CFAP20DC: variants seen among roughly 807,000 people sequenced by gnomAD.
CFAP20DC encodes the protein CFAP20 domain containing, also known as protein CFAP20DC.
A neutral mutation model predicts 101.7 loss-of-function variants in CFAP20DC; 84 were observed. That is an observed-to-expected ratio of 0.83 (90% CI 0.69 to 0.99). The LOEUF (loss-of-function observed/expected upper bound fraction) is 0.99. Ranked by LOEUF, CFAP20DC falls within the 50% of genes least tolerant of loss-of-function variation. The pLI is 0.00. For synonymous variants in CFAP20DC, 359 were observed against 351.2 expected (o/e 1.02, Z -0.25); for missense variants, 1,007 against 970.3 (o/e 1.04, Z -0.50).
chr3:58,953,694 A>C (rs897194638), intron 4 of CFAP20DC: 44 of 152,336 alleles, frequency 2.9e-4, no homozygotes, highest in African/African-American at 9.4e-4. Flanking sequence ...ATGTGTGACT[A>C]CTTAAAAGCT....
intron 15 of CFAP20DC, among the ~76,000 whole-genome samples, chr3:58,776,666 A>G (rs2071365030): frequency 6.6e-6 from 1 of 150,500 alleles, no homozygotes; most frequent in Non-Finnish European, 1.5e-5. Flanking sequence ...TATTACATAC[A>G]TATTTAAAAA....
intron 4 of CFAP20DC, among the ~76,000 whole-genome samples, chr3:58,968,131 T>A (rs2108322681): frequency 6.6e-6 from 1 of 152,372 alleles, no homozygotes; most frequent in South Asian, 2.1e-4. Context: ...TTTAGGTTGA[T>A]TTCATGTCTT....
At chr3:58,854,463 T>C (rs2078567549) in intron 12 of CFAP20DC, among the ~76,000 whole-genome samples, 1 of 151,880 alleles carries the variant, frequency 6.6e-6, no homozygotes, top group African/African-American at 2.4e-5. Flanking sequence ...AATGACTTTC[T>C]TCACAGAATT....
At chr3:58,853,636 A>C (rs1264430854) in intron 12 of CFAP20DC, among the ~76,000 whole-genome samples, 6 of 152,238 alleles carry the variant, frequency 3.9e-5, no homozygotes, top group Admixed American at 6.5e-5. Context: ...CTTATCCACC[A>C]TGATCAAGTG....
intron 16 of CFAP20DC, among the ~76,000 whole-genome samples, chr3:58,743,311 G>C (rs2067984391): frequency 6.6e-6 from 1 of 151,930 alleles, no homozygotes. Flanking sequence ...TGTTTCCTGA[G>C]CACCTTTTAT....
chr3:58,930,420 C>G (rs1183747375), intron 5 of CFAP20DC, among the ~76,000 whole-genome samples: 1 of 152,190 alleles, frequency 6.6e-6, no homozygotes, highest in Non-Finnish European at 1.5e-5. Flanking sequence ...CTTTTCAAAT[C>G]CACCACAGTA....
intron 4 of CFAP20DC, among the ~76,000 whole-genome samples, chr3:59,010,229 C>T (rs550121317): frequency 2.6e-5 from 4 of 152,138 alleles, no homozygotes; most frequent in African/African-American, 9.6e-5. Flanking sequence ...TTGAATGTAA[C>T]TTGCCTAAAT....
intron 14 of CFAP20DC, among the ~76,000 whole-genome samples, chr3:58,821,310 A>G (rs1185036367): frequency 1.3e-5 from 2 of 152,200 alleles, no homozygotes; most frequent in Admixed American, 6.5e-5. Flanking sequence ...TAGTTAAACT[A>G]AAGAGCTTCT....
rs2072546004 is a variant in CFAP20DC at position 58,788,249 on chromosome 3, C to T, written c.2237+18146G>A. On this transcript the variant is annotated intron_variant, in intron 15 of 16. Coordinates refer to ENST00000482387, the MANE Select transcript of CFAP20DC (RefSeq NM_001394063.1). This position sits in a 1 kb window ranked among gnomAD's most constrained non-coding sequence, Gnocchi z 4.2. ...TCTGAGCACGCAGTGAGAAAGGGAA[C>T]CACAGCATGGTTGATTTGGGGCCGT... Among the ~76,000 whole-genome samples the T allele has an allele frequency of 6.6e-6, 1 of 152,004 alleles. No homozygotes were observed. Among genetic ancestry groups the T allele is most frequent in the South Asian group, 2.1e-4 (1 of 4,818 alleles).
At chr3:59,022,325 C>T (rs2093817558) in intron 4 of CFAP20DC, among the ~76,000 whole-genome samples, 1 of 151,912 alleles carries the variant, frequency 6.6e-6, no homozygotes, top group Admixed American at 6.6e-5. Flanking sequence ...TGTCATACCC[C>T]TTTTCTGGGC....
chr3:59,013,753 C>G (rs1405730002), intron 4 of CFAP20DC, among the ~76,000 whole-genome samples: 1 of 152,064 alleles, frequency 6.6e-6, no homozygotes, highest in East Asian at 1.9e-4. Flanking sequence ...AAAGAGGTAA[C>G]AAAATTCACA....
In CFAP20DC at chr3:58,861,103, C is replaced by T. The variant is rs1364750021; in HGVS notation, c.1593+2455G>A. 1.3e-5 allele frequency: 2 copies of T among 153,344 alleles called. No homozygotes were observed. The highest frequency in any genetic ancestry group is 4.8e-5 in the African/African-American group (2 of 41,452). The allele number at this position is 153,344 out of a possible 1,614,324, so 9.5% of individuals were successfully genotyped here. On this transcript the variant is annotated intron_variant, in intron 12 of 16. Coordinates refer to ENST00000482387, the MANE Select transcript of CFAP20DC (RefSeq NM_001394063.1). This position sits in a 1 kb window ranked among gnomAD's most constrained non-coding sequence, Gnocchi z 4.0. The stretch of plus-strand genomic sequence containing the variant: ...TACAATGACAATGTATTGCTGAAAG[C>T]TAATTTTAATTAGCTTTTACTGTTG...
chr3:58,716,181 G>T (rs1359128709), downstream of CFAP20DC, among the ~76,000 whole-genome samples: 1 of 107,186 alleles, frequency 9.3e-6, no homozygotes, highest in African/African-American at 3.8e-5. Context: ...TTGAGACGGA[G>T]TCTCGCTCTG....
rs536281881 is a variant in CFAP20DC, at chr3:58,929,209, AT to A, written c.393+8438del. Among the ~76,000 whole-genome samples, 524 of 152,292 alleles carry A rather than the reference AT, an allele frequency of 3.4e-3. 2 individuals are homozygous for A. The highest frequency in any genetic ancestry group is 0.012 in the African/African-American group (481 of 41,556). ...ACTTATAATGGAAAGATGGCATTTT[AT>A]TTTCAAATACTGGATTTTCATGAAT... On this transcript the variant is annotated intron_variant, in intron 5 of 16. Coordinates refer to ENST00000482387, the MANE Select transcript of CFAP20DC (RefSeq NM_001394063.1).
intron 12 of CFAP20DC, among the ~76,000 whole-genome samples, chr3:58,858,481 T>C (rs192780881): frequency 6.6e-6 from 1 of 152,368 alleles, no homozygotes; most frequent in African/African-American, 2.4e-5. Context: ...TTTAAACAGA[T>C]AATTTTAATG....
chr3:58,798,304 T>C (rs569845033), intron 15 of CFAP20DC, among the ~76,000 whole-genome samples: 1 of 152,242 alleles, frequency 6.6e-6, no homozygotes, highest in African/African-American at 2.4e-5. Flanking sequence ...ACCAGAAGTT[T>C]GGGAGAAATC....
intron 16 of CFAP20DC, among the ~76,000 whole-genome samples, chr3:58,745,726 G>A (rs1379919635): frequency 1.3e-5 from 2 of 152,144 alleles, no homozygotes; most frequent in African/African-American, 4.8e-5. Context: ...AACTCAGGAT[G>A]GAAGTACTGA....
chr3:58,871,295 G>A (rs2080187461), intron 7 of CFAP20DC, among the ~76,000 whole-genome samples: 2 of 152,142 alleles, frequency 1.3e-5, no homozygotes, highest in Middle Eastern at 3.2e-3. Context: ...GCTGGAAGGA[G>A]AGGCTAGGGT....
chr3:58,822,317 A>AAACG (rs1379986505), intron 14 of CFAP20DC, among the ~76,000 whole-genome samples: 2 of 140,770 alleles, frequency 1.4e-5, no homozygotes, highest in East Asian at 2.1e-4. Flanking sequence ...ATGAAAAAAC[A>AAACG]AACAAACAAA....
Sources: gnomAD v4.1 joint callset for allele counts (sites outside exome capture counted in the v4.1 genomes callset) on GRCh38, gnomAD v4.1.1 for gene constraint, Gnocchi (gnomAD v3.1) non-coding constraint, MANE v1.5 for transcripts, NCBI Gene and HGNC (gene_info 2026-07-23, HGNC 2026-07-21) for gene names.